Variants in SPMAP2L observed in about 807,000 individuals in gnomAD.
SPMAP2L encodes sperm microtubule associated protein 2-like.
chr4:56,613,165 G>A, the SPMAP2L span, among the ~76,000 whole-genome samples: 1 of 152,196 alleles, frequency 6.6e-6, no homozygotes, highest in Non-Finnish European at 1.5e-5. Flanking sequence ...GCAGAGACAT[G>A]TTACGGGCAG....
the SPMAP2L span, among the ~76,000 whole-genome samples, chr4:56,544,181 A>C: frequency 6.6e-6 from 1 of 151,660 alleles, no homozygotes; most frequent in South Asian, 2.1e-4. Context: ...TAGAGATGGA[A>C]TTTCACCATG....
At chr4:56,612,918 T>G in the SPMAP2L span, among the ~76,000 whole-genome samples, 1 of 152,140 alleles carries the variant, frequency 6.6e-6, no homozygotes, top group Non-Finnish European at 1.5e-5. Context: ...GCCTGGAATT[T>G]CCCAGGCATT....
chr4:56,571,448 G>A, the SPMAP2L span, among the ~76,000 whole-genome samples: 1 of 151,824 alleles, frequency 6.6e-6, no homozygotes, highest in Non-Finnish European at 1.5e-5. Context: ...AAGCAGCTGG[G>A]ACTACAGGTG....
chr4:56,596,527 C>T, the SPMAP2L span: 2 of 1,531,768 alleles, frequency 1.3e-6, no homozygotes, highest in South Asian at 1.2e-5. Flanking sequence ...ACTTTCTACC[C>T]TGAGTGCGAT....
the SPMAP2L span, chr4:56,594,345 AC>A: frequency 6.5e-7 from 1 of 1,531,786 alleles, no homozygotes; most frequent in Non-Finnish European, 9.0e-7. Flanking sequence ...ATGAAACTGA[AC>A]AGTTCGTCTG....
the SPMAP2L span, among the ~76,000 whole-genome samples, chr4:56,565,034 A>T: frequency 2.0e-5 from 3 of 152,154 alleles, no homozygotes; most frequent in Non-Finnish European, 4.4e-5. Flanking sequence ...CACATTCTGC[A>T]TTATTTTAGT....
At chr4:56,622,945 G>A in the SPMAP2L span, among the ~76,000 whole-genome samples, 1 of 152,120 alleles carries the variant, frequency 6.6e-6, no homozygotes, top group South Asian at 2.1e-4. Flanking sequence ...GTTGAGTGGT[G>A]GGGCTGGAGG....
chr4:56,615,534 G>T, the SPMAP2L span, among the ~76,000 whole-genome samples: 1 of 152,106 alleles, frequency 6.6e-6, no homozygotes. Context: ...ATCACCTAAG[G>T]TCAGGAGTTC....
chr4:56,625,157 T>C, the SPMAP2L span, among the ~76,000 whole-genome samples: 2 of 152,222 alleles, frequency 1.3e-5, no homozygotes, highest in Non-Finnish European at 2.9e-5. Flanking sequence ...TTGACTGCCC[T>C]GCTGGGTTTC....
chr4:56,534,393 T>C, the SPMAP2L span, among the ~76,000 whole-genome samples: 1 of 152,230 alleles, frequency 6.6e-6, no homozygotes, highest in Non-Finnish European at 1.5e-5. Context: ...CTTTAGTCAG[T>C]TTCCTTTGCT....
the SPMAP2L span, among the ~76,000 whole-genome samples, chr4:56,600,293 G>GTTTA: frequency 2.6e-5 from 4 of 151,118 alleles, no homozygotes; most frequent in Admixed American, 1.3e-4. Context: ...AATAGGATGG[G>GTTTA]TTTATTTATT....
At chr4:56,595,020 A>G in the SPMAP2L span, 6 of 1,602,498 alleles carry the variant, frequency 3.7e-6, no homozygotes, top group East Asian at 4.5e-5. Flanking sequence ...TCATTTCACT[A>G]AAGCGGAATG....
chr4:56,557,876 G>T, the SPMAP2L span: 4 of 152,278 alleles, frequency 2.6e-5, no homozygotes, highest in Admixed American at 6.5e-5. Flanking sequence ...TTAAAATGCT[G>T]TCAGTAAAGT....
At chr4:56,532,446 T>G in the SPMAP2L span, among the ~76,000 whole-genome samples, 4 of 152,140 alleles carry the variant, frequency 2.6e-5, no homozygotes, top group Non-Finnish European at 5.9e-5. Context: ...ACTTTCTTCC[T>G]GCAGTTATCC....
chr4:56,546,616 A>G, the SPMAP2L span, among the ~76,000 whole-genome samples: 2 of 152,248 alleles, frequency 1.3e-5, no homozygotes, highest in Non-Finnish European at 2.9e-5. Flanking sequence ...GATAACCTCA[A>G]AAGTGTGTTT....
chr4:56,625,744 A>G, the SPMAP2L span, among the ~76,000 whole-genome samples: 2 of 151,696 alleles, frequency 1.3e-5, no homozygotes, highest in Non-Finnish European at 2.9e-5. Context: ...GTCAAATTAA[A>G]CCTCCTTTTC....
chr4:56,623,023 G>T, the SPMAP2L span, among the ~76,000 whole-genome samples: 4 of 152,114 alleles, frequency 2.6e-5, no homozygotes, highest in African/African-American at 4.8e-5. Context: ...GTCCACACGG[G>T]TTACTGCTAG....
the SPMAP2L span, among the ~76,000 whole-genome samples, chr4:56,615,071 C>T: frequency 1.3e-5 from 2 of 152,216 alleles, no homozygotes; most frequent in Admixed American, 6.5e-5. Flanking sequence ...TGCCCAGTTC[C>T]ACATGAGGCA....
chr4:56,623,821 TC>T, the SPMAP2L span, among the ~76,000 whole-genome samples: 1 of 152,208 alleles, frequency 6.6e-6, no homozygotes, highest in Non-Finnish European at 1.5e-5. Flanking sequence ...CAATTAAACC[TC>T]TTTTTCTTCC....
Sources: gnomAD v4.1 joint callset for allele counts (sites outside exome capture counted in the v4.1 genomes callset) on GRCh38, gnomAD v4.1.1 for gene constraint, MANE v1.5 for transcripts, NCBI Gene and HGNC (gene_info 2026-07-23, HGNC 2026-07-21) for gene names.